Variants in EPHA5 observed in about 807,000 individuals in gnomAD.
EPHA5 encodes EPH receptor A5.
A neutral mutation model predicts 105.0 loss-of-function variants in EPHA5; 60 were observed. The observed-to-expected ratio is 0.57, with a 90% confidence interval of 0.46 to 0.71. The LOEUF (loss-of-function observed/expected upper bound fraction) is 0.71, where lower values mean the gene tolerates loss of function less well. EPHA5 is among the 30% of genes least tolerant of loss of function. The pLI is 0.00. For synonymous variants in EPHA5, 513 were observed against 449.1 expected, an observed-to-expected ratio of 1.14 and a Z score of -1.80; for missense variants, 1,218 against 1,274.7, an observed-to-expected ratio of 0.96 and a Z score of 0.68.
intron 3 of EPHA5, among the ~76,000 whole-genome samples, chr4:65,553,314 T>C (rs1214284137): frequency 1.3e-5 from 2 of 152,068 alleles, no homozygotes; most frequent in Non-Finnish European, 2.9e-5. Flanking sequence ...TGTTCAACCC[T>C]GGAAGGTTGA....
At chr4:65,540,177 A>G (rs575495071) in intron 3 of EPHA5, among the ~76,000 whole-genome samples, 83 of 151,746 alleles carry the variant, frequency 5.5e-4, no homozygotes, top group African/African-American at 1.9e-3. Context: ...TAAATGTAAT[A>G]CTAAATTTAA....
At chr4:65,349,297 A>T (rs1210505116) in intron 13 of EPHA5, among the ~76,000 whole-genome samples, 1 of 151,618 alleles carries the variant, frequency 6.6e-6, no homozygotes, top group African/African-American at 2.4e-5. Flanking sequence ...ATTGGGGGAA[A>T]ATCTTACTAC....
At chr4:65,396,470 C>T (rs375522283) in intron 8 of EPHA5, among the ~76,000 whole-genome samples, 32 of 152,304 alleles carry the variant, frequency 2.1e-4, no homozygotes, top group East Asian at 5.8e-4. Context: ...GCAGAATTTT[C>T]GGTACGACCT....
At chr4:65,453,757 C>T (rs1256129949) in intron 5 of EPHA5, among the ~76,000 whole-genome samples, 1 of 152,168 alleles carries the variant, frequency 6.6e-6, no homozygotes, top group Non-Finnish European at 1.5e-5. Context: ...ATGCAAGACC[C>T]TGGAAGCATG....
chr4:65,598,701 A>G (rs1384985825), intron 3 of EPHA5, among the ~76,000 whole-genome samples: 2 of 152,184 alleles, frequency 1.3e-5, no homozygotes, highest in Non-Finnish European at 2.9e-5. Flanking sequence ...TGTAGAAGGG[A>G]TATTGGAGCA....
chr4:65,612,844 T>G (rs2149461659), intron 2 of EPHA5, among the ~76,000 whole-genome samples: 1 of 152,282 alleles, frequency 6.6e-6, no homozygotes, highest in Non-Finnish European at 1.5e-5. Flanking sequence ...GTCTGATGAT[T>G]ATTTATTTAT....
intron 5 of EPHA5, among the ~76,000 whole-genome samples, chr4:65,443,510 G>A (rs1726211669): frequency 6.6e-6 from 1 of 152,026 alleles, no homozygotes; most frequent in African/African-American, 2.4e-5. Context: ...GTTGAAGATA[G>A]GAAAAATTTA....
intron 1 of EPHA5, among the ~76,000 whole-genome samples, chr4:65,654,315 A>G (rs1306901840): frequency 6.6e-6 from 1 of 151,694 alleles, no homozygotes; most frequent in Non-Finnish European, 1.5e-5. Flanking sequence ...ATATAGTTCT[A>G]CAGATAATAT....
intron 16 of EPHA5, chr4:65,330,562 A>G: frequency 2.3e-6 from 1 of 434,008 alleles, no homozygotes; most frequent in Non-Finnish European, 3.1e-6. Context: ...ACATTGTTTA[A>G]TGCAAATAAT....
intron 1 of EPHA5, among the ~76,000 whole-genome samples, chr4:65,653,202 C>G (rs761726501): frequency 6.6e-6 from 1 of 151,972 alleles, no homozygotes; most frequent in East Asian, 1.9e-4. Context: ...AACTCATAGT[C>G]TCTATTTTAA....
intron 3 of EPHA5, among the ~76,000 whole-genome samples, chr4:65,579,954 C>T (rs995263671): frequency 7.2e-5 from 11 of 151,796 alleles, no homozygotes; most frequent in Non-Finnish European, 1.2e-4. Context: ...TTCTATCATG[C>T]GAAATTTAAT....
intron 3 of EPHA5, among the ~76,000 whole-genome samples, chr4:65,579,358 G>GTGTATATATA (rs1553944309): frequency 1.4e-5 from 2 of 142,796 alleles, no homozygotes; most frequent in East Asian, 2.0e-4. Context: ...ATGTATGTGT[G>GTGTATATATA]TATATATATA....
intron 5 of EPHA5, among the ~76,000 whole-genome samples, chr4:65,432,207 A>G (rs1051184318): frequency 1.3e-5 from 2 of 152,210 alleles, no homozygotes; most frequent in Non-Finnish European, 2.9e-5. Context: ...TGTAAATTCA[A>G]GGAGGAATTG....
intron 3 of EPHA5, among the ~76,000 whole-genome samples, chr4:65,549,864 A>C (rs1737729827): frequency 6.6e-6 from 1 of 152,108 alleles, no homozygotes; most frequent in East Asian, 1.9e-4. Flanking sequence ...AAATTAAAAC[A>C]AGTTCCTGTC....
intron 1 of EPHA5, among the ~76,000 whole-genome samples, chr4:65,658,764 T>C (rs548443711): frequency 2.0e-5 from 3 of 152,112 alleles, no homozygotes; most frequent in African/African-American, 4.8e-5. Context: ...CCCGTGTTTT[T>C]ACAATTTTGC....
Position 65,669,731 on chromosome 4 carries a change from C to A in EPHA5, c.12G>T (p.Ser4=), listed in dbSNP as rs1454917826. ...GCCGGCGTCCCGCACCCCGGGGCCC[C>A]GAGCCCCGCATCTTCTCCGAGCCTC... MRG[S]GPRGAGRRRP... Residue 4 remains serine (S), a synonymous_variant, in exon 1 of 17, where the codon TCG becomes TCT. Transcript: ENST00000613740. 4.0e-6 allele frequency: 5 copies of A among 1,262,682 alleles called. No individual in the cohort carries two copies. The South Asian group carries it at 8.9e-5, about 23-fold the overall frequency. 78.2% of individuals were successfully genotyped at this position (1,262,682 alleles called of 1,614,324 possible). A position where few individuals can be genotyped will look rare whatever the true frequency, so the allele number is the denominator to read the frequency against.
intron 7 of EPHA5, among the ~76,000 whole-genome samples, chr4:65,405,332 T>C (rs575331643): frequency 1.3e-5 from 2 of 152,312 alleles, no homozygotes; most frequent in Non-Finnish European, 2.9e-5. Context: ...AATCTCTCCA[T>C]AGAATATCTA....
intron 3 of EPHA5, among the ~76,000 whole-genome samples, chr4:65,574,667 C>CACATATATATACATATATAT (rs1190818361): frequency 1.1e-5 from 1 of 87,208 alleles, no homozygotes; most frequent in African/African-American, 4.7e-5. Context: ...TATATATATA[C>CACATATATATACATATATAT]ACATATATAT....
intron 6 of EPHA5, among the ~76,000 whole-genome samples, chr4:65,417,900 G>A (rs568236067): frequency 6.6e-6 from 1 of 152,110 alleles, no homozygotes; most frequent in Admixed American, 6.5e-5. Context: ...TAATGCATAT[G>A]CTGGGAAGTG....
Sources: allele counts gnomAD v4.1 joint callset (sites outside exome capture counted in the v4.1 genomes callset), GRCh38; gene constraint gnomAD v4.1.1; transcripts MANE v1.5; gene names NCBI Gene and HGNC (gene_info 2026-07-23, HGNC 2026-07-21).